The following SDK1 variants were observed in gnomAD, a reference collection of about 807,000 sequenced individuals.
SDK1 encodes sidekick cell adhesion molecule 1.
SDK1 carries 157 observed loss-of-function variants against 245.5 expected under a neutral mutation model. The observed-to-expected ratio is 0.64, with a 90% CI of 0.56 to 0.73. The LOEUF is 0.73. Among genes scored for constraint, SDK1 ranks in the 30% least tolerant of loss-of-function variants. The pLI, the probability that SDK1 is intolerant of heterozygous loss-of-function variation, is 0.00. For missense variants in SDK1, 3,583 were observed against 3,002.3 expected, an observed-to-expected ratio of 1.19 and a Z score of -4.52; for synonymous variants, 1,647 against 1,278.5, an observed-to-expected ratio of 1.29 and a Z score of -6.15.
At chr7:3,790,887 T>G (rs1781061331) in intron 4 of SDK1, among the ~76,000 whole-genome samples, 1 of 152,072 alleles carries the variant, frequency 6.6e-6, no homozygotes, top group Admixed American at 6.6e-5. Flanking sequence ...GGAATATTCA[T>G]TTTGGGGGCA....
At chr7:3,864,094 A>C (rs1215434347) in intron 5 of SDK1, among the ~76,000 whole-genome samples, 1 of 151,350 alleles carries the variant, frequency 6.6e-6, no homozygotes, top group Non-Finnish European at 1.5e-5. Context: ...CCAGCACTTA[A>C]TTTCTGTTTT....
chr7:3,924,617 C>G (rs2128114533), intron 5 of SDK1, among the ~76,000 whole-genome samples: 1 of 152,296 alleles, frequency 6.6e-6, no homozygotes, highest in South Asian at 2.1e-4. Flanking sequence ...GACATTTCGC[C>G]AGCTTCCCGG....
chr7:3,887,077 T>G (rs1429605210), intron 5 of SDK1, among the ~76,000 whole-genome samples: 1 of 152,220 alleles, frequency 6.6e-6, no homozygotes, highest in South Asian at 2.1e-4. Flanking sequence ...TATGCCGCTG[T>G]TGCAAACAAC....
At chr7:3,480,557 C>G (rs982634611) in intron 1 of SDK1, among the ~76,000 whole-genome samples, 1 of 152,240 alleles carries the variant, frequency 6.6e-6, no homozygotes, top group African/African-American at 2.4e-5. Flanking sequence ...TTGCCTCCTT[C>G]CAGCTCCTGC....
chr7:3,820,389 C>T (rs1779615470), intron 4 of SDK1, among the ~76,000 whole-genome samples: 2 of 152,176 alleles, frequency 1.3e-5, no homozygotes. Flanking sequence ...ACGTCACAAT[C>T]TGTCCACCTC....
intron 2 of SDK1, among the ~76,000 whole-genome samples, chr7:3,636,502 C>T (rs1035793707): frequency 2.0e-5 from 3 of 152,202 alleles, no homozygotes; most frequent in African/African-American, 7.2e-5. Context: ...TTAGATGAAC[C>T]TGCATGACGT....
At chr7:3,774,661 C>T (rs1780499019) in intron 4 of SDK1, among the ~76,000 whole-genome samples, 1 of 152,202 alleles carries the variant, frequency 6.6e-6, no homozygotes, top group South Asian at 2.1e-4. Context: ...AGAATACAGA[C>T]TCCTGGTTCT....
chr7:3,806,203 A>C (rs753826563), intron 4 of SDK1, among the ~76,000 whole-genome samples: 8 of 152,330 alleles, frequency 5.3e-5, no homozygotes, highest in Middle Eastern at 6.8e-3. Context: ...AAATAATCCA[A>C]GACAATCTTC....
At chr7:3,862,951 C>T (rs1235635304) in intron 5 of SDK1, among the ~76,000 whole-genome samples, 6 of 150,292 alleles carry the variant, frequency 4.0e-5, no homozygotes, top group Admixed American at 3.9e-4. Context: ...TCCAGTGCCA[C>T]CGCTGGCTGA....
In SDK1 at chr7:3,905,455, G is replaced by T. The variant is rs377519359; in HGVS notation, c.848-45468G>T. Among the ~76,000 whole-genome samples, 9 of 151,874 alleles carry T rather than the reference G, an allele frequency of 5.9e-5. No homozygotes were observed. The East Asian group carries it at 1.3e-3, about 23-fold the overall frequency. On this transcript the variant is annotated intron_variant, in intron 5 of 44. Transcript: ENST00000404826. Reference sequence around the variant, plus strand: ...TTATTTTAGGCTTTTTATTTTTCTGGTAAGAAATCTGCTTTCAGTATAATT... The same window carrying T: ...TTATTTTAGGCTTTTTATTTTTCTGTTAAGAAATCTGCTTTCAGTATAATT...
intron 4 of SDK1, among the ~76,000 whole-genome samples, chr7:3,754,036 A>G (rs1202021679): frequency 6.6e-6 from 1 of 152,200 alleles, no homozygotes; most frequent in Non-Finnish European, 1.5e-5. Context: ...TGCCCAAACC[A>G]TGAAAGCAAA....
chr7:3,902,841 A>C (rs1781835350), intron 5 of SDK1, among the ~76,000 whole-genome samples: 1 of 147,758 alleles, frequency 6.8e-6, no homozygotes, highest in African/African-American at 2.6e-5. Flanking sequence ...TGAAATAAGA[A>C]TATAGCACAG....
chr7:3,650,993 G>T (rs1195173341), intron 4 of SDK1, among the ~76,000 whole-genome samples: 1 of 151,728 alleles, frequency 6.6e-6, no homozygotes, highest in African/African-American at 2.4e-5. Flanking sequence ...CCAGTTTTTG[G>T]CCATGATGAA....
intron 19 of SDK1, among the ~76,000 whole-genome samples, chr7:4,054,877 TA>T (rs1425253086): frequency 2.0e-5 from 3 of 152,236 alleles, no homozygotes; most frequent in Non-Finnish European, 4.4e-5. Context: ...TTTTTCTTCT[TA>T]GCTTGTTGGT....
chr7:3,830,372 C>A (rs978532136), intron 5 of SDK1, among the ~76,000 whole-genome samples: 1 of 152,210 alleles, frequency 6.6e-6, no homozygotes. Context: ...CTCCAATCTA[C>A]CTTCCCTTCT....
At chr7:3,820,253 G>C (rs114852732) in intron 4 of SDK1, among the ~76,000 whole-genome samples, 3 of 152,116 alleles carry the variant, frequency 2.0e-5, no homozygotes, top group Non-Finnish European at 2.9e-5. Flanking sequence ...AGGTTCAAGC[G>C]ATTGTTCTGC....
intron 4 of SDK1, among the ~76,000 whole-genome samples, chr7:3,807,755 A>G (rs546868620): frequency 6.6e-6 from 1 of 152,294 alleles, no homozygotes; most frequent in African/African-American, 2.4e-5. Flanking sequence ...TGGGATGGGC[A>G]CAGGCTGGGA....
chr7:3,694,744 G>A (rs1203645304), intron 4 of SDK1, among the ~76,000 whole-genome samples: 1 of 152,074 alleles, frequency 6.6e-6, no homozygotes, highest in Non-Finnish European at 1.5e-5. Context: ...CATAGTTTGA[G>A]CCCAGGAACC....
chr7:4,027,054 G>A (rs184713588), intron 17 of SDK1, among the ~76,000 whole-genome samples: 11 of 152,272 alleles, frequency 7.2e-5, no homozygotes, highest in African/African-American at 1.7e-4. Flanking sequence ...TGTGCAGGAC[G>A]TGAAGATTTG....
Sources: gnomAD v4.1 joint callset for allele counts (sites outside exome capture counted in the v4.1 genomes callset) on GRCh38, gnomAD v4.1.1 for gene constraint, MANE v1.5 for transcripts, NCBI Gene and HGNC (gene_info 2026-07-23, HGNC 2026-07-21) for gene names.